PDXDC1: variants seen among roughly 807,000 people sequenced by gnomAD.
The protein encoded by PDXDC1 is pyridoxal-dependent decarboxylase domain-containing protein 1.
A neutral mutation model predicts 100.1 loss-of-function variants in PDXDC1; 42 were observed. The observed-to-expected ratio is 0.42, with a 90% CI of 0.33 to 0.54. The LOEUF (loss-of-function observed/expected upper bound fraction) is 0.54, where lower values mean the gene tolerates loss of function less well. Among genes scored for constraint, PDXDC1 ranks in the 20% least tolerant of loss-of-function variants. PDXDC1 has a pLI of 0.10. For synonymous variants in PDXDC1, 260 were observed against 371.7 expected, an observed-to-expected ratio of 0.70 and a Z score of 3.46; for missense variants, 636 against 979.2, an observed-to-expected ratio of 0.65 and a Z score of 4.68.
In PDXDC1 at chr16:15,050,028, G is replaced by C. The variant is rs140520742; in HGVS notation, c.1399+19972G>C. On this transcript the variant is annotated intron_variant, in intron 16 of 16. Coordinates refer to the PDXDC1 transcript ENST00000535621. ...AAAAAGCAAACATGAGTGATTTCCT[G>C]TTGCTGTTGTCCTCTCTTCTCTCAA... Among the ~76,000 whole-genome samples the C allele has an allele frequency of 1.4e-3, 207 of 152,282 alleles. 1 individual carries two copies. The highest frequency in any genetic ancestry group is 4.6e-3 in the African/African-American group (190 of 41,554).
At chr16:14,980,303 T>C (rs1967663099) in intron 1 of PDXDC1, among the ~76,000 whole-genome samples, 2 of 151,524 alleles carry the variant, frequency 1.3e-5, no homozygotes, top group Admixed American at 1.3e-4. Context: ...GATTTATAAT[T>C]TTTTTTTTTT....
chr16:15,076,564 A>G (rs747173067), intron 16 of PDXDC1: 2 of 1,607,108 alleles, frequency 1.2e-6, no homozygotes, highest in East Asian at 2.2e-5. Context: ...TAACCATATT[A>G]AACAATCCTT....
chr16:15,084,178 T>A (rs1223281501), intron 16 of PDXDC1, among the ~76,000 whole-genome samples: 1 of 152,222 alleles, frequency 6.6e-6, no homozygotes, highest in Admixed American at 6.5e-5. Context: ...ACATGTATAT[T>A]ATTTTTAAAA....
chr16:15,150,073 G>C, the PDXDC1 span, among the ~76,000 whole-genome samples: 1 of 151,956 alleles, frequency 6.6e-6, no homozygotes, highest in African/African-American at 2.4e-5. Context: ...AAAGACAGGC[G>C]GTGGCTCAAG....
At chr16:15,076,576 C>G (rs547477317) in intron 16 of PDXDC1, 20 of 1,611,472 alleles carry the variant, frequency 1.2e-5, no homozygotes, top group Non-Finnish European at 1.7e-5. Context: ...ACAATCCTTC[C>G]GTGGAATCTG....
At chr16:15,099,830 G>T (rs1206313937) in intron 16 of PDXDC1, among the ~76,000 whole-genome samples, 1 of 152,064 alleles carries the variant, frequency 6.6e-6, no homozygotes, top group Non-Finnish European at 1.5e-5. Flanking sequence ...ATACCCAGAA[G>T]ACCCATTAAA....
rs181690583 is a variant in PDXDC1 at position 15,034,295 on chromosome 16, A to G, written c.1822A>G (p.Asn608Asp). 22 of 1,613,112 alleles carry G rather than the reference A, an allele frequency of 1.4e-5. No homozygotes were observed. Among genetic ancestry groups the G allele is most frequent in the East Asian group, 4.5e-5 (2 of 44,884 alleles). The change falls in exon 20 of 23, where the codon AAC becomes GAC. Residue 608 changes from asparagine to aspartate, a missense_variant. By Grantham distance (23) the Asn-to-Asp change is conservative. Coordinates refer to ENST00000396410, the MANE Select transcript of PDXDC1 (RefSeq NM_015027.4). Reference protein sequence around the residue: ...EIEENSRLLENMTEVVRKGIQ... With the variant: ...EIEENSRLLEDMTEVVRKGIQ... The stretch of plus-strand genomic sequence containing the variant: ...CTTGGTCTTGCCACAGCTTCTGGAA[A>G]ACATGACAGAAGTGGTTCGGAAAGG...
rs1466443321 is a variant in PDXDC1 at position 15,022,729 on chromosome 16, A to G, written c.1115A>G (p.Lys372Arg). 6.2e-7 allele frequency: 1 copy of G among 1,612,846 alleles called. No individual in the cohort carries two copies. Among genetic ancestry groups the G allele is most frequent in the Non-Finnish European group, 8.5e-7 (1 of 1,179,376 alleles). Residue 372 changes from lysine to arginine, a missense_variant, in exon 13 of 23, where the codon AAG (lysine) becomes AGG (arginine). Physicochemically the swap from Lys to Arg is conservative, Grantham distance 26. Coordinates refer to ENST00000396410, the MANE Select transcript of PDXDC1 (RefSeq NM_015027.4). The stretch of plus-strand genomic sequence containing the variant: ...AGTCAACGGTTGCAGGAAAGTTTGA[A>G]GAAAGTGAATTACATCAAAATCTTG... ...QLSQRLQESLKKVNYIKILVE... is the reference protein window; with the variant it reads ...QLSQRLQESLRKVNYIKILVE...
intron 16 of PDXDC1, chr16:15,070,355 G>A: frequency 2.5e-6 from 2 of 805,012 alleles, no homozygotes; most frequent in African/African-American, 3.5e-5. Context: ...TGCTAAGTAA[G>A]TTCATAGGTT....
chr16:15,081,091 A>T (rs1228286417), intron 16 of PDXDC1, among the ~76,000 whole-genome samples: 1 of 152,170 alleles, frequency 6.6e-6, no homozygotes, highest in Non-Finnish European at 1.5e-5. Context: ...GTAATATTCC[A>T]TTGTACCATG....
At chr16:15,109,644 G>C (rs1380505935) in intron 16 of PDXDC1, among the ~76,000 whole-genome samples, 6 of 91,206 alleles carry the variant, frequency 6.6e-5, no homozygotes, top group African/African-American at 2.7e-4. Flanking sequence ...GTGACAGAGT[G>C]AGACTCTGTC....
chr16:14,981,127 A>G (rs1470356758), intron 1 of PDXDC1, among the ~76,000 whole-genome samples: 3 of 152,298 alleles, frequency 2.0e-5, no homozygotes, highest in African/African-American at 7.2e-5. Context: ...GATTATGTGA[A>G]AGAGATTCTT....
chr16:15,147,463 A>G, the PDXDC1 span, among the ~76,000 whole-genome samples: 4 of 152,196 alleles, frequency 2.6e-5, no homozygotes, highest in Non-Finnish European at 5.9e-5. Context: ...ATGGAGAGAC[A>G]AGAACACAGA....
intron 1 of PDXDC1, among the ~76,000 whole-genome samples, chr16:14,992,825 A>G (rs1419200562): frequency 1.3e-5 from 2 of 151,960 alleles, no homozygotes; most frequent in Non-Finnish European, 2.9e-5. Flanking sequence ...ATGTTAGACC[A>G]GAATCAGACG....
intron 16 of PDXDC1, chr16:15,127,161 G>C (rs1473743038): frequency 1.3e-5 from 5 of 378,008 alleles, no homozygotes; most frequent in African/African-American, 1.0e-4. Flanking sequence ...TTTTCTTCTG[G>C]AGTGCATTTC....
intron 1 of PDXDC1, chr16:14,976,657 G>A (rs769389150): frequency 6.6e-6 from 1 of 152,496 alleles, no homozygotes; most frequent in African/African-American, 2.4e-5. Context: ...GGAGACATTT[G>A]GCTATCTCTG....
At chr16:15,005,710 AT>A (rs1176193494) in intron 5 of PDXDC1, among the ~76,000 whole-genome samples, 2 of 152,254 alleles carry the variant, frequency 1.3e-5, no homozygotes, top group East Asian at 3.9e-4. Flanking sequence ...TAGCTTTTTT[AT>A]TTTTTTGAGA....
At chr16:15,042,718 C>CTAATTTATTTATTTATT (rs2043871657), downstream of PDXDC1, among the ~76,000 whole-genome samples, 1 of 147,004 alleles carries the variant, frequency 6.8e-6, no homozygotes, top group East Asian at 2.0e-4. Flanking sequence ...AAAGGATGAA[C>CTAATTTATTTATTTATT]TATTTATTTA....
chr16:15,110,988 G>A (rs911345418), intron 16 of PDXDC1, among the ~76,000 whole-genome samples: 1 of 148,082 alleles, frequency 6.8e-6, no homozygotes, highest in Non-Finnish European at 1.5e-5. Flanking sequence ...AATTAGCCGG[G>A]CATGGCAGTG....
Sources: gnomAD v4.1 joint callset for allele counts (sites outside exome capture counted in the v4.1 genomes callset) on GRCh38, gnomAD v4.1.1 for gene constraint, MANE v1.5 for transcripts, NCBI Gene and HGNC (gene_info 2026-07-23, HGNC 2026-07-21) for gene names.